The following RAPGEF6 variants were observed in gnomAD, a reference collection of about 807,000 sequenced individuals.
RAPGEF6 encodes PDZ domain containing guanine nucleotide exchange factor (GEF) 2.
In RAPGEF6, 56 loss-of-function variants were observed where a neutral mutation model predicts 171.4. The ratio of observed to expected loss-of-function variants is 0.33; its 90% CI spans 0.26 to 0.41. The LOEUF (loss-of-function observed/expected upper bound fraction) is 0.41, where lower values mean the gene tolerates loss of function less well. Ranked by LOEUF, RAPGEF6 falls within the 10% of genes least tolerant of loss-of-function variation. RAPGEF6 has a pLI of 1.00. For synonymous variants in RAPGEF6, 692 were observed against 650.1 expected, an observed-to-expected ratio of 1.06 and a Z score of -0.98; for missense variants, 1,674 against 1,921.4, an observed-to-expected ratio of 0.87 and a Z score of 2.41.
chr5:131,537,857 G>A (rs1381608506), intron 6 of RAPGEF6, among the ~76,000 whole-genome samples: 1 of 152,016 alleles, frequency 6.6e-6, no homozygotes, highest in Admixed American at 6.6e-5. Context: ...AGTTTGGGAG[G>A]CCGAGGCAGG....
intron 1 of RAPGEF6, among the ~76,000 whole-genome samples, chr5:131,610,841 G>T (rs1764892598): frequency 6.6e-6 from 1 of 152,166 alleles, no homozygotes; most frequent in African/African-American, 2.4e-5. Context: ...AAGTAGATTT[G>T]TGTGGTGCAA....
chr5:131,519,697 A>AT (rs1187998488), intron 7 of RAPGEF6, among the ~76,000 whole-genome samples: 5 of 152,330 alleles, frequency 3.3e-5, no homozygotes, highest in African/African-American at 1.2e-4. Flanking sequence ...CTCTGTGTAT[A>AT]GTCTTAGAAA....
At chr5:131,456,678 A>G (rs909433201) in intron 19 of RAPGEF6, among the ~76,000 whole-genome samples, 3 of 152,212 alleles carry the variant, frequency 2.0e-5, no homozygotes, top group African/African-American at 7.2e-5. Flanking sequence ...CCAAATGAAT[A>G]GTGTATATAC....
In RAPGEF6 at chr5:131,431,244, A is replaced by G. The variant is rs1008774673; in HGVS notation, c.4080T>C (p.Ser1360=). 1 of 1,614,094 alleles carries G rather than the reference A, an allele frequency of 6.2e-7. No individual in the cohort carries two copies. The highest frequency in any genetic ancestry group is 1.7e-5 in the Admixed American group (1 of 60,000). Residue 1360 remains serine (S), a synonymous_variant, in exon 26 of 28, where the codon AGT becomes AGC. Coordinates refer to ENST00000509018, the MANE Select transcript of RAPGEF6 (RefSeq NM_016340.6). ...QEHIIIEAAD[S]GRGSWTSCSS... ...AACACGAAGTCCAACTTCCACGACCACTGTCAGCTGCTTCTATAATGATAT... is the reference window on the plus strand; with the variant it reads ...AACACGAAGTCCAACTTCCACGACCGCTGTCAGCTGCTTCTATAATGATAT...
At chr5:131,482,507 TTCCTAGGCTAGTCTTGAAC>T (rs1221699049) in intron 15 of RAPGEF6, among the ~76,000 whole-genome samples, 1 of 152,190 alleles carries the variant, frequency 6.6e-6, no homozygotes, top group Non-Finnish European at 1.5e-5. Flanking sequence ...CTCACTATGT[TTCCTAGGCTAGTCTTGAAC>T]TCCTGGGCTC....
rs529713676 is a variant in RAPGEF6, at chr5:131,625,304, A to G, written c.69+9658T>C. Among the ~76,000 whole-genome samples the G allele has an allele frequency of 2.6e-5, 4 of 152,206 alleles. No individual in the cohort carries two copies. The East Asian group carries it at 5.8e-4, about 22-fold the overall frequency. ...AACAAAACAAATTAATCATCTGCCA[A>G]TGTATATTTAGGGCATATGGACTTT... On this transcript the variant is annotated intron_variant, in intron 1 of 27. Transcript: ENST00000509018.
At chr5:131,534,028 A>C (rs745646129) in intron 6 of RAPGEF6, among the ~76,000 whole-genome samples, 1 of 152,136 alleles carries the variant, frequency 6.6e-6, no homozygotes, top group Non-Finnish European at 1.5e-5. Context: ...TGGCCAAAGA[A>C]AGACAGTTCC....
intron 11 of RAPGEF6, 137 bp downstream of exon 11, chr5:131,504,489 C>CA (rs1383867570): frequency 2.2e-6 from 2 of 927,302 alleles, no homozygotes; most frequent in African/African-American, 1.7e-5. Context: ...TAGAGAAAGA[C>CA]AAAGAGTCAA....
chr5:131,634,853 G>A (rs1308585833), intron 1 of RAPGEF6, 109 bp downstream of exon 1: 1 of 1,247,520 alleles, frequency 8.0e-7, no homozygotes, highest in Non-Finnish European at 1.2e-6. Context: ...CAGATTCCCA[G>A]TAGCAGGTGC....
At chr5:131,481,592 G>A (rs1373447983) in intron 15 of RAPGEF6, among the ~76,000 whole-genome samples, 1 of 152,188 alleles carries the variant, frequency 6.6e-6, no homozygotes, top group Non-Finnish European at 1.5e-5. Context: ...TAATGAGGGT[G>A]CAGGTACATT....
intron 3 of RAPGEF6, among the ~76,000 whole-genome samples, chr5:131,602,471 T>C (rs969416590): frequency 3.3e-5 from 5 of 151,870 alleles, no homozygotes; most frequent in Admixed American, 2.0e-4. Flanking sequence ...TACTAAAAAT[T>C]AGAAATTGGC....
At chr5:131,619,557 T>C (rs1458772595) in intron 1 of RAPGEF6, among the ~76,000 whole-genome samples, 1 of 152,234 alleles carries the variant, frequency 6.6e-6, no homozygotes, top group Non-Finnish European at 1.5e-5. Flanking sequence ...AATTAACCAC[T>C]GAAATTACAA....
At chr5:131,533,203 CA>C in intron 6 of RAPGEF6, among the ~76,000 whole-genome samples, 1 of 151,482 alleles carries the variant, frequency 6.6e-6, no homozygotes, top group South Asian at 2.1e-4. Flanking sequence ...CACACACACA[CA>C]CACACACACC....
rs139538645 is a variant in RAPGEF6 at position 131,528,808 on chromosome 5, CTGTT to C, written c.496-7291_496-7288del. ...AGATAAGTGGAGGAGGGAGCATAAA[CTGTT>C]TGGTAGGTCATGGTGAGGACTTGGA... On this transcript the variant is annotated intron_variant, in intron 6 of 27. Transcript: ENST00000509018. 9.1e-3 allele frequency among the ~76,000 whole-genome samples: 1,383 copies of C among 152,192 alleles called. 23 individuals are homozygous for C. Among genetic ancestry groups the C allele is most frequent in the African/African-American group, 0.032 (1,313 of 41,510 alleles).
chr5:131,507,643 CAT>C (rs1381162969), intron 9 of RAPGEF6, among the ~76,000 whole-genome samples: 1 of 152,172 alleles, frequency 6.6e-6, no homozygotes, highest in Non-Finnish European at 1.5e-5. Flanking sequence ...GGTACCAACA[CAT>C]GTTCCTCATT....
At chr5:131,473,708 TATCATGAAA>T (rs1318938473) in intron 16 of RAPGEF6, among the ~76,000 whole-genome samples, 1 of 152,184 alleles carries the variant, frequency 6.6e-6, no homozygotes, top group Non-Finnish European at 1.5e-5. Flanking sequence ...ACTTACCTAT[TATCATGAAA>T]AAGATTAAAG....
chr5:131,433,409 A>G (rs761501138), intron 25 of RAPGEF6, 21 bp downstream of exon 25: 9 of 1,594,154 alleles, frequency 5.6e-6, no homozygotes, highest in Non-Finnish European at 6.9e-6. Flanking sequence ...TTGTGTTATG[A>G]ACACAGACAA....
chr5:131,633,986 A>G (rs1766474517), intron 1 of RAPGEF6, among the ~76,000 whole-genome samples: 2 of 152,222 alleles, frequency 1.3e-5, no homozygotes, highest in South Asian at 2.1e-4. Flanking sequence ...AGGATCTTCA[A>G]TAACATAATT....
At chr5:131,521,280 C>T (rs536549030) in intron 7 of RAPGEF6, 110 bp downstream of exon 7, 15 of 1,155,692 alleles carry the variant, frequency 1.3e-5, no homozygotes, top group South Asian at 2.0e-5. Context: ...AAAGACCTTA[C>T]GCTTGAATTT....
Sources: allele counts gnomAD v4.1 joint callset (sites outside exome capture counted in the v4.1 genomes callset), GRCh38; gene constraint gnomAD v4.1.1; transcripts MANE v1.5; gene names NCBI Gene and HGNC (gene_info 2026-07-23, HGNC 2026-07-21).